AK4: variants seen among roughly 807,000 people sequenced by gnomAD.
The protein encoded by AK4 is adenylate kinase 4, mitochondrial.
AK4 carries 13 observed loss-of-function variants against 24.6 expected under a neutral mutation model. The ratio of observed to expected loss-of-function variants is 0.53; its 90% confidence interval spans 0.34 to 0.84. The LOEUF is 0.84. Among genes scored for constraint, AK4 ranks in the 40% least tolerant of loss-of-function variants. The probability of loss-of-function intolerance (pLI) is 0.01; values close to 1 mark genes in which losing one functional copy is unlikely to be tolerated. For synonymous variants in AK4, 88 were observed against 107.0 expected (o/e 0.82, Z 1.10); for missense variants, 192 against 288.2 (o/e 0.67, Z 2.42).
intron 2 of AK4, among the ~76,000 whole-genome samples, chr1:65,209,345 A>G (rs1275325313): frequency 6.6e-6 from 1 of 152,250 alleles, no homozygotes; most frequent in Admixed American, 6.5e-5. Flanking sequence ...TAAGGAACCT[A>G]GAATAACGCT....
intron 2 of AK4, among the ~76,000 whole-genome samples, chr1:65,194,488 T>A (rs1570112920): frequency 6.6e-6 from 1 of 152,044 alleles, no homozygotes; most frequent in Non-Finnish European, 1.5e-5. Context: ...TTTTTTGAGA[T>A]GAAGTCTCTG....
At chr1:65,194,500 C>T (rs1018935445) in intron 2 of AK4, among the ~76,000 whole-genome samples, 4 of 151,858 alleles carry the variant, frequency 2.6e-5, no homozygotes, top group Admixed American at 6.6e-5. Context: ...AAGTCTCTGT[C>T]GCCCAGGCCA....
intron 2 of AK4, among the ~76,000 whole-genome samples, chr1:65,210,928 A>C (rs908362956): frequency 1.3e-5 from 2 of 152,214 alleles, no homozygotes; most frequent in South Asian, 4.1e-4. Context: ...TAAGTGGCTT[A>C]GCTGGACCTC....
chr1:65,157,425 TC>T (rs1328247405), intron 1 of AK4, among the ~76,000 whole-genome samples: 1 of 152,140 alleles, frequency 6.6e-6, no homozygotes, highest in Non-Finnish European at 1.5e-5. Flanking sequence ...CAAGGTCTGT[TC>T]CTGAAGGAGC....
rs1337217997 is a variant in AK4, at chr1:65,232,042, CCTAA to C, written c.*5868_*5871del. On this transcript the variant is annotated 3_prime_UTR_variant, in exon 5 of 5. Coordinates refer to ENST00000327299, the MANE Select transcript of AK4 (RefSeq NM_013410.4). ...CTCCAGTCTGATCTGTATATGCTAT[CCTAA>C]CTGTTAATTGTATTATTGATTATGT... is the stretch of plus-strand genomic sequence containing the variant. 3 of 152,112 alleles carry C rather than the reference CCTAA, an allele frequency of 2.0e-5. No individual in the cohort carries two copies. Among genetic ancestry groups the C allele is most frequent in the African/African-American group, 4.8e-5 (2 of 41,396 alleles). The allele number at this position is 152,112 out of a possible 1,614,324, so 9.4% of individuals were successfully genotyped here. A position where few individuals can be genotyped will look rare whatever the true frequency, so the allele number is the denominator to read the frequency against.
intron 1 of AK4, chr1:65,165,969 C>A (rs561335403): frequency 1.2e-4 from 19 of 152,392 alleles, no homozygotes; most frequent in African/African-American, 4.6e-4. Flanking sequence ...CTTAACATAC[C>A]TGTGAGAAGT....
intron 1 of AK4, among the ~76,000 whole-genome samples, chr1:65,183,981 A>T (rs749080868): frequency 4.1e-4 from 63 of 152,316 alleles, no homozygotes; most frequent in Non-Finnish European, 4.3e-4. Context: ...GAGATGACCA[A>T]CTTAATAGAT....
Position 65,199,073 on chromosome 1 carries a change from C to T in AK4, c.265+8244C>T, listed in dbSNP as rs530137386. Among the ~76,000 whole-genome samples, 247 of 133,258 alleles carry T rather than the reference C, an allele frequency of 1.9e-3. No homozygotes were observed. In the Middle Eastern group the frequency reaches 0.02, roughly 11 times the overall value. 87.4% of individuals were successfully genotyped at this position (133,258 alleles called of 152,430 possible). A position where few individuals can be genotyped will look rare whatever the true frequency, so the allele number is the denominator to read the frequency against. On this transcript the variant is annotated intron_variant, in intron 2 of 4. Coordinates refer to ENST00000327299, the MANE Select transcript of AK4 (RefSeq NM_013410.4). ...CTGCACTCCAGCCTGGGCAACAGAG[C>T]GAGACTCCGCCTCAAAAAAAAAAAA...
At position 65,190,693 on chromosome 1, in the gene AK4, T is replaced by A. The variant is rs765917651; in HGVS notation, c.146-17T>A. Reference sequence around the variant, plus strand: ...AAATTTTCTTGAATACCTCTTTTTTTCTTGTCTTTTTAATAGAAGTTGGTG... The same window carrying A: ...AAATTTTCTTGAATACCTCTTTTTTACTTGTCTTTTTAATAGAAGTTGGTG... On this transcript the variant is annotated splice_polypyrimidine_tract_variant and intron_variant, in intron 1 of 4. Coordinates refer to ENST00000327299, the MANE Select transcript of AK4 (RefSeq NM_013410.4). 6.2e-7 allele frequency: 1 copy of A among 1,604,194 alleles called. No individual in the cohort carries two copies. Among genetic ancestry groups the A allele is most frequent in the South Asian group, 1.1e-5 (1 of 88,512 alleles).
Sources: allele counts gnomAD v4.1 joint callset (sites outside exome capture counted in the v4.1 genomes callset), GRCh38; gene constraint gnomAD v4.1.1; transcripts MANE v1.5; gene names NCBI Gene and HGNC (gene_info 2026-07-23, HGNC 2026-07-21).